Variants in NQO1 observed in about 807,000 individuals in gnomAD.
NQO1 encodes the protein NAD(P)H dehydrogenase [quinone] 1.
A neutral mutation model predicts 32.1 loss-of-function variants in NQO1; 30 were observed. That is an observed-to-expected ratio of 0.94 (90% CI 0.70 to 1.27). The LOEUF (loss-of-function observed/expected upper bound fraction) is 1.27. Among genes scored for constraint, NQO1 ranks in the 50% most tolerant of loss-of-function variants. The pLI, the probability that NQO1 is intolerant of heterozygous loss-of-function variation, is 0.00. For missense variants in NQO1, 276 were observed against 331.3 expected (o/e 0.83, Z 1.30); for synonymous variants, 109 against 119.7 (o/e 0.91, Z 0.59).
chr16:69,721,831 CAAAAAAA>C lies in NQO1; in HGVS notation c.8-3304_8-3298del, dbSNP rs11325347. Reference sequence around the variant, plus strand: ...TAACATGGAGAAACCCCGTTTCTACCAAAAAAAAAAAAAAAAAAAAAATTAGCTGAGC... The same window carrying C: ...TAACATGGAGAAACCCCGTTTCTACCAAAAAAAAAAAAAAATTAGCTGAGC... On this transcript the variant is annotated intron_variant, in intron 1 of 5. Coordinates refer to ENST00000320623, the MANE Select transcript of NQO1 (RefSeq NM_000903.3). Among the ~76,000 whole-genome samples, 84 of 97,118 alleles carry C rather than the reference CAAAAAAA, an allele frequency of 8.6e-4. No individual in the cohort carries two copies. The East Asian group carries it at 9.2e-3, about 11-fold the overall frequency. 63.7% of individuals were successfully genotyped at this position (97,118 alleles called of 152,430 possible). A position where few individuals can be genotyped will look rare whatever the true frequency, so the allele number is the denominator to read the frequency against.
Position 69,709,584 on chromosome 16 carries a change from C to G in NQO1, c.*1392G>C. ...GTCAGCATCTGGTAAAGGAGGTTTT[C>G]CAGCTCGGTCCAATCCCTTCATTTT... On this transcript the variant is annotated 3_prime_UTR_variant, in exon 6 of 6. Transcript: ENST00000320623. 2.6e-6 allele frequency: 1 copy of G among 391,584 alleles called. No homozygotes were observed. Among genetic ancestry groups the G allele is most frequent in the African/African-American group, 2.1e-5 (1 of 48,602 alleles). The allele number at this position is 391,584 out of a possible 1,614,324, so 24.3% of individuals were successfully genotyped here.
Position 69,709,834 on chromosome 16 carries a change from C to A in NQO1, c.*1142G>T. On this transcript the variant is annotated 3_prime_UTR_variant, in exon 6 of 6. Transcript: ENST00000320623. ...TAGGTTTACAATTGTACCCCAAGGT[C>A]ATGGGACTGGACCCCATCCCATAGT... is the stretch of plus-strand genomic sequence containing the variant. The A allele has an allele frequency of 2.5e-6, 1 of 398,576 alleles. No individual in the cohort carries two copies. The highest frequency in any genetic ancestry group is 4.4e-6 in the Non-Finnish European group (1 of 226,066). 24.7% of individuals were successfully genotyped at this position (398,576 alleles called of 1,614,324 possible).
chr16:69,723,963 A>G (rs755834457), intron 1 of NQO1, among the ~76,000 whole-genome samples: 67 of 152,148 alleles, frequency 4.4e-4, no homozygotes, highest in Non-Finnish European at 5.3e-4. Flanking sequence ...AGATGCACAC[A>G]CGGATAACCT....
At chr16:69,719,261 G>A (rs1397841675) in intron 1 of NQO1, among the ~76,000 whole-genome samples, 1 of 152,180 alleles carries the variant, frequency 6.6e-6, no homozygotes, top group African/African-American at 2.4e-5. Context: ...GGAAAGTAAT[G>A]AGGCAGAATC....
At chr16:69,721,508 A>T (rs1209833851) in intron 1 of NQO1, among the ~76,000 whole-genome samples, 1 of 152,176 alleles carries the variant, frequency 6.6e-6, no homozygotes, top group Non-Finnish European at 1.5e-5. Context: ...AACTGTGAGA[A>T]ATCAATTTCT....
At position 69,718,554 on chromosome 16, in the gene NQO1, G is replaced by A. The variant is rs41280872; in HGVS notation, c.8-20C>T. 1.5e-3 allele frequency: 2,420 copies of A among 1,611,524 alleles called. 6 individuals carry two copies. Among genetic ancestry groups the A allele is most frequent in the Non-Finnish European group, 1.8e-3 (2,145 of 1,179,070 alleles). ...TTCTGCCTACAGAGACACACACAAAGCACACACGGAAAACCCATTACCAAC... is the reference window on the plus strand; with the variant it reads ...TTCTGCCTACAGAGACACACACAAAACACACACGGAAAACCCATTACCAAC... On this transcript the variant is annotated intron_variant, in intron 1 of 5. Transcript: ENST00000320623.
chr16:69,719,944 C>A (rs911467800), intron 1 of NQO1, among the ~76,000 whole-genome samples: 8 of 151,798 alleles, frequency 5.3e-5, no homozygotes, highest in African/African-American at 1.9e-4. Context: ...GACACCTTGT[C>A]ATAAAAAAAA....
chr16:69,718,031 T>C, intron 3 of NQO1, 92 bp downstream of exon 3: 1 of 1,518,604 alleles, frequency 6.6e-7, no homozygotes, highest in Non-Finnish European at 8.9e-7. Flanking sequence ...GTAAAGTGGG[T>C]AACTGTTTAA....
chr16:69,724,572 C>T (rs2038236936), intron 1 of NQO1, among the ~76,000 whole-genome samples: 1 of 151,496 alleles, frequency 6.6e-6, no homozygotes, highest in African/African-American at 2.4e-5. Context: ...TGTGGTGGCA[C>T]ACACCTGTAG....
rs1371551300 is a variant in NQO1 at position 69,715,058 on chromosome 16, C to A, written c.323G>T (p.Gly108Val). 2 of 1,613,602 alleles carry A rather than the reference C, an allele frequency of 1.2e-6. No individual in the cohort carries two copies. The highest frequency in any genetic ancestry group is 1.7e-5 in the Admixed American group (1 of 60,010). ...VIFQFPLQWF[G>V]VPAILKGWFE... ...CCAGCCTTTCAGAATGGCAGGGACT[C>A]CAAACCACTGCAGGGGGAACTGTGG... Residue 108 changes from glycine (G) to valine (V), a missense_variant, in exon 4 of 6, where the codon GGA becomes GTA. By Grantham distance (109) the Gly-to-Val change is moderately radical (BLOSUM62 -3). Transcript: ENST00000320623.
chr16:69,723,496 A>T (rs2038220227), intron 1 of NQO1, among the ~76,000 whole-genome samples: 1 of 152,112 alleles, frequency 6.6e-6, no homozygotes, highest in African/African-American at 2.4e-5. Context: ...CAAAAGAAAA[A>T]TGATCAAAAG....
At chr16:69,711,777 C>T (rs1438715614) in intron 5 of NQO1, among the ~76,000 whole-genome samples, 2 of 152,026 alleles carry the variant, frequency 1.3e-5, no homozygotes, top group East Asian at 3.9e-4. Context: ...CCTCAGCCTC[C>T]CGAGTAGCTG....
At chr16:69,712,862 C>T (rs532311522) in intron 5 of NQO1, among the ~76,000 whole-genome samples, 166 bp downstream of exon 5, 34 of 152,112 alleles carry the variant, frequency 2.2e-4, no homozygotes, top group African/African-American at 7.2e-4. Flanking sequence ...AAAAATTAGC[C>T]GAGTGTGGTG....
Position 69,710,814 on chromosome 16 carries a change from G to T in NQO1, c.*162C>A. On this transcript the variant is annotated 3_prime_UTR_variant, in exon 6 of 6. Coordinates refer to ENST00000320623, the MANE Select transcript of NQO1 (RefSeq NM_000903.3). ...GCCATGATAGTAATCATAAGAATCAGTTAAAAATGATCCAAAAATGCACGA... is the reference window on the plus strand; with the variant it reads ...GCCATGATAGTAATCATAAGAATCATTTAAAAATGATCCAAAAATGCACGA... The T allele has an allele frequency of 2.5e-6, 2 of 815,992 alleles. No individual in the cohort carries two copies. Among genetic ancestry groups the T allele is most frequent in the Non-Finnish European group, 3.7e-6 (2 of 536,528 alleles). 50.5% of individuals were successfully genotyped at this position (815,992 alleles called of 1,614,324 possible). A position where few individuals can be genotyped will look rare whatever the true frequency, so the allele number is the denominator to read the frequency against.
chr16:69,715,048 G>T lies in NQO1; in HGVS notation c.333C>A (p.Ala111=), dbSNP rs2038095597. ...QFPLQWFGVP[A]ILKGWFERVF... ...CTCGCTCAAACCAGCCTTTCAGAAT[G>T]GCAGGGACTCCAAACCACTGCAGGG... Residue 111 remains alanine (A), a synonymous_variant, in exon 4 of 6, where the codon GCC becomes GCA. Coordinates refer to ENST00000320623, the MANE Select transcript of NQO1 (RefSeq NM_000903.3). 6.2e-7 allele frequency: 1 copy of T among 1,613,626 alleles called. No individual in the cohort carries two copies. The highest frequency in any genetic ancestry group is 1.3e-5 in the African/African-American group (1 of 74,906).
At chr16:69,722,754 G>C (rs2038209047) in intron 1 of NQO1, among the ~76,000 whole-genome samples, 1 of 152,108 alleles carries the variant, frequency 6.6e-6, no homozygotes, top group African/African-American at 2.4e-5. Context: ...GGGATAGCTT[G>C]GAAAAAGGAA....
At chr16:69,720,100 C>T (rs560262055) in intron 1 of NQO1, among the ~76,000 whole-genome samples, 4 of 152,044 alleles carry the variant, frequency 2.6e-5, no homozygotes, top group Middle Eastern at 3.4e-3. Context: ...CTCTACAAAA[C>T]GTACAAAAAT....
Position 69,710,859 on chromosome 16 carries a change from AT to A in NQO1, c.*116del. ...GCACGAATACAGTCGATTCCCTCTC[AT>A]TTATTCCTTGTGGAAAAAGAAAAAC... On this transcript the variant is annotated 3_prime_UTR_variant, in exon 6 of 6. Transcript: ENST00000320623. 8.9e-7 allele frequency: 1 copy of A among 1,128,318 alleles called. No homozygotes were observed. Among genetic ancestry groups the A allele is most frequent in the Non-Finnish European group, 1.2e-6 (1 of 802,212 alleles). The allele number at this position is 1,128,318 out of a possible 1,614,324, so 69.9% of individuals were successfully genotyped here. A position where few individuals can be genotyped will look rare whatever the true frequency, so the allele number is the denominator to read the frequency against.
rs2038026097 is a variant in NQO1 at position 69,710,650 on chromosome 16, C to T, written c.*326G>A. 1 of 280,238 alleles carries T rather than the reference C, an allele frequency of 3.6e-6. No homozygotes were observed. The highest frequency in any genetic ancestry group is 4.9e-5 in the Admixed American group (1 of 20,322). The allele number at this position is 280,238 out of a possible 1,614,324, so 17.4% of individuals were successfully genotyped here. On this transcript the variant is annotated 3_prime_UTR_variant, in exon 6 of 6. Transcript: ENST00000320623. The stretch of plus-strand genomic sequence containing the variant: ...AGAACATTGGAGAGTTGAATGATAC[C>T]TAGCCAAACTGTACCCTAAAACTTT...
Sources: gnomAD v4.1 joint callset for allele counts (sites outside exome capture counted in the v4.1 genomes callset) on GRCh38, gnomAD v4.1.1 for gene constraint, MANE v1.5 for transcripts, NCBI Gene and HGNC (gene_info 2026-07-23, HGNC 2026-07-21) for gene names.